AP1G1: variants seen among roughly 807,000 people sequenced by gnomAD.
AP1G1 encodes the protein adaptor related protein complex 1 subunit gamma 1.
Under a neutral mutation model 108.3 loss-of-function variants are expected in AP1G1, and 7 were observed. The ratio of observed to expected loss-of-function variants is 0.06; its 90% confidence interval spans 0.04 to 0.12. AP1G1 has a LOEUF of 0.12. AP1G1 is among the 10% of genes least tolerant of loss of function. AP1G1 has a pLI of 1.00. For synonymous variants in AP1G1, 379 were observed against 353.5 expected (o/e 1.07, Z -0.81); for missense variants, 756 against 1,010.7 (o/e 0.75, Z 3.42).
chr16:71,774,382 C>G (rs2031696208), intron 3 of AP1G1, 86 bp downstream of exon 3: 1 of 1,478,210 alleles, frequency 6.8e-7, no homozygotes, highest in Admixed American at 2.3e-5. Flanking sequence ...CCAGCCTGGG[C>G]AAAAGAGCAA....
intron 4 of AP1G1, among the ~76,000 whole-genome samples, chr16:71,771,582 T>C (rs1261924711): frequency 6.6e-6 from 1 of 152,202 alleles, no homozygotes; most frequent in South Asian, 2.1e-4. Context: ...TTCCAGTTTA[T>C]ACTATTATAT....
At chr16:71,784,643 C>T (rs576984201) in intron 2 of AP1G1, among the ~76,000 whole-genome samples, 204 of 152,144 alleles carry the variant, frequency 1.3e-3, no homozygotes, top group African/African-American at 4.2e-3. Context: ...ACTGCAACCT[C>T]CACCTTCCAG....
chr16:71,754,853 C>T (rs550261851), intron 12 of AP1G1, among the ~76,000 whole-genome samples: 51 of 151,592 alleles, frequency 3.4e-4, no homozygotes, highest in Non-Finnish European at 6.8e-4. Context: ...AGATGTTTCC[C>T]ATAAGATTGC....
At chr16:71,760,992 CA>C (rs923277335) in intron 10 of AP1G1, among the ~76,000 whole-genome samples, 4 of 152,148 alleles carry the variant, frequency 2.6e-5, no homozygotes, top group African/African-American at 9.7e-5. Flanking sequence ...CTAGAGTTCA[CA>C]AAGACATTCC....
intron 1 of AP1G1, among the ~76,000 whole-genome samples, chr16:71,799,848 G>C (rs554840750): frequency 6.6e-6 from 1 of 151,740 alleles, no homozygotes; most frequent in Non-Finnish European, 1.5e-5. Flanking sequence ...GCAGTGAGCC[G>C]AGACTGCGCC....
In AP1G1 at chr16:71,789,646, T is replaced by C. The variant is rs146197546; in HGVS notation, c.-3-164A>G. Among the ~76,000 whole-genome samples, 143 of 152,348 alleles carry C rather than the reference T, an allele frequency of 9.4e-4. 1 individual carries two copies. The highest frequency in any genetic ancestry group is 3.3e-3 in the African/African-American group (138 of 41,586). On this transcript the variant is annotated intron_variant, in intron 1 of 22. Transcript: ENST00000299980. ...GCGTGCTAAGCTTCCGCAAAGCTAT[T>C]ACATACAGACCTCTCAACTCTGTAC...
At chr16:71,772,902 G>C (rs1046224879) in intron 4 of AP1G1, 1 of 381,266 alleles carries the variant, frequency 2.6e-6, no homozygotes, top group Admixed American at 3.7e-5. Flanking sequence ...CTAATACAAA[G>C]ATATGGGTAT....
intron 6 of AP1G1, 138 bp from the exon 7 acceptor site, chr16:71,765,722 G>A: frequency 3.1e-6 from 2 of 644,956 alleles, no homozygotes; most frequent in East Asian, 2.9e-5. Context: ...CTAGTGTATT[G>A]TAGATGTTTG....
At chr16:71,786,396 C>T (rs2032203817) in intron 2 of AP1G1, among the ~76,000 whole-genome samples, 1 of 152,044 alleles carries the variant, frequency 6.6e-6, no homozygotes, top group Non-Finnish European at 1.5e-5. Context: ...GAGGTTGAGG[C>T]CCAAAGATCA....
intron 13 of AP1G1, among the ~76,000 whole-genome samples, chr16:71,752,199 T>A (rs560432427): frequency 6.6e-6 from 1 of 152,170 alleles, no homozygotes; most frequent in African/African-American, 2.4e-5. Context: ...AAAAAAGCTT[T>A]TGAATTCTCA....
intron 2 of AP1G1, chr16:71,777,665 G>A: frequency 2.2e-6 from 1 of 457,908 alleles, no homozygotes; most frequent in Non-Finnish European, 4.5e-6. Context: ...CTCTTCGGCA[G>A]CTCTCTTCAG....
chr16:71,764,463 C>A lies in AP1G1; in HGVS notation c.820-15G>T. 2 of 1,529,574 alleles carry A rather than the reference C, an allele frequency of 1.3e-6. No homozygotes were observed. Among genetic ancestry groups the A allele is most frequent in the Non-Finnish European group, 1.8e-6 (2 of 1,108,470 alleles). 94.8% of individuals were successfully genotyped at this position (1,529,574 alleles called of 1,614,324 possible). On this transcript the variant is annotated splice_polypyrimidine_tract_variant and intron_variant, in intron 8 of 22. Coordinates refer to ENST00000299980, the MANE Select transcript of AP1G1 (RefSeq NM_001128.6). Reference sequence around the variant, plus strand: ...TTAGTGGCAACCTGAAAAGACATATCGAGGGCAGTACATAAGTGATAAAAA... The same window carrying A: ...TTAGTGGCAACCTGAAAAGACATATAGAGGGCAGTACATAAGTGATAAAAA...
chr16:71,740,743 G>A (rs1019274089), intron 19 of AP1G1, among the ~76,000 whole-genome samples: 1 of 152,152 alleles, frequency 6.6e-6, no homozygotes, highest in African/African-American at 2.4e-5. Context: ...GAAATGCACA[G>A]GAATGGCAAA....
At position 71,739,415 on chromosome 16, in the gene AP1G1, T is replaced by A. The variant is rs2045589706; in HGVS notation, c.2000-74A>T. 4.2e-6 allele frequency: 5 copies of A among 1,196,450 alleles called. No homozygotes were observed. In the South Asian group the frequency reaches 8.0e-5, roughly 19 times the overall value. 74.1% of individuals were successfully genotyped at this position (1,196,450 alleles called of 1,614,324 possible). A position where few individuals can be genotyped will look rare whatever the true frequency, so the allele number is the denominator to read the frequency against. ...GCTTACCAAGAAATTATAGGGAAAA[T>A]TATTTCGGTCTCAGGTTAAGGAAAG... On this transcript the variant is annotated intron_variant, in intron 19 of 22. Transcript: ENST00000299980.
intron 6 of AP1G1, among the ~76,000 whole-genome samples, chr16:71,768,849 C>T (rs567138832): frequency 2.5e-4 from 32 of 129,930 alleles, no homozygotes; most frequent in African/African-American, 8.2e-4. Flanking sequence ...ACCCGGGAGG[C>T]GGAACTTGCA....
At chr16:71,796,607 A>T (rs1408375562) in intron 1 of AP1G1, among the ~76,000 whole-genome samples, 1 of 152,158 alleles carries the variant, frequency 6.6e-6, no homozygotes, top group Non-Finnish European at 1.5e-5. Flanking sequence ...GAGATGAACT[A>T]CTAAAATGGA....
At chr16:71,766,301 C>T in intron 6 of AP1G1, 2 of 238,826 alleles carry the variant, frequency 8.4e-6, no homozygotes, top group Non-Finnish European at 8.9e-6. Flanking sequence ...GTTTTCTTGT[C>T]TTTTCAATGA....
In AP1G1 at chr16:71,732,627, C is replaced by T. The variant is rs939151596; in HGVS notation, c.*431G>A. 6.5e-6 allele frequency: 1 copy of T among 154,670 alleles called. No individual in the cohort carries two copies. Among genetic ancestry groups the T allele is most frequent in the East Asian group, 1.9e-4 (1 of 5,262 alleles). The allele number at this position is 154,670 out of a possible 1,614,324, so 9.6% of individuals were successfully genotyped here. On this transcript the variant is annotated 3_prime_UTR_variant, in exon 23 of 23. Coordinates refer to ENST00000299980, the MANE Select transcript of AP1G1 (RefSeq NM_001128.6). ...TAACCCAGCTAGTGAGGAATAAATA[C>T]CCCACCTTGCCCAGTCCACAGAGAA...
intron 1 of AP1G1, among the ~76,000 whole-genome samples, chr16:71,796,873 G>A (rs2032604869): frequency 6.6e-6 from 1 of 151,958 alleles, no homozygotes; most frequent in Admixed American, 6.6e-5. Flanking sequence ...ACAGCACTGA[G>A]ATGCATAAAA....
Sources: gnomAD v4.1 joint callset for allele counts (sites outside exome capture counted in the v4.1 genomes callset) on GRCh38, gnomAD v4.1.1 for gene constraint, MANE v1.5 for transcripts, NCBI Gene and HGNC (gene_info 2026-07-23, HGNC 2026-07-21) for gene names.